The following RIOX2 variants were observed in gnomAD, a reference collection of about 807,000 sequenced individuals.
RIOX2 encodes the protein 60S ribosomal protein L27a histidine hydroxylase.
RIOX2 carries 43 observed loss-of-function variants against 51.2 expected under a neutral mutation model. That is an observed-to-expected ratio of 0.84 (90% CI 0.66 to 1.08). The LOEUF is 1.08. Ranked by LOEUF, RIOX2 falls within the 50% of genes least tolerant of loss-of-function variation. The probability of loss-of-function intolerance (pLI) is 0.00; values close to 1 mark genes in which losing one functional copy is unlikely to be tolerated. For missense variants in RIOX2, 566 were observed against 561.7 expected, an observed-to-expected ratio of 1.01 and a Z score of -0.08; for synonymous variants, 226 against 218.5, an observed-to-expected ratio of 1.03 and a Z score of -0.30.
chr3:97,942,409 T>G lies in RIOX2; in HGVS notation c.*2775A>C. 6.2e-7 allele frequency: 1 copy of G among 1,611,532 alleles called. No individual in the cohort carries two copies. Among genetic ancestry groups the G allele is most frequent in the Non-Finnish European group, 8.5e-7 (1 of 1,178,310 alleles). ...TGAATAAAAATGGAACTATCAGCTC[T>G]TATCTCAGTGATCAACTTGTCCTTG... On this transcript the variant is annotated 3_prime_UTR_variant, in exon 10 of 10. Coordinates refer to ENST00000394198, the MANE Select transcript of RIOX2 (RefSeq NM_153182.4).
intron 3 of RIOX2, among the ~76,000 whole-genome samples, chr3:97,960,919 T>C (rs1705651408): frequency 6.6e-6 from 1 of 152,210 alleles, no homozygotes; most frequent in Non-Finnish European, 1.5e-5. Flanking sequence ...GATATTCTAT[T>C]AAAAATATTA....
rs1382285804 is a variant in RIOX2, at chr3:97,943,516, A to G, written c.*1668T>C. ...ATTCTTGCCATTACTCAGTGTTCCT[A>G]TAAAGAAAATATTATGATATCTTGG... On this transcript the variant is annotated 3_prime_UTR_variant, in exon 10 of 10. Transcript: ENST00000394198. 6 of 517,152 alleles carry G rather than the reference A, an allele frequency of 1.2e-5. No homozygotes were observed. In the East Asian group the frequency reaches 1.5e-4, roughly 13 times the overall value. 32.0% of individuals were successfully genotyped at this position (517,152 alleles called of 1,614,324 possible). A position where few individuals can be genotyped will look rare whatever the true frequency, so the allele number is the denominator to read the frequency against.
In RIOX2 at chr3:97,942,830, G is replaced by T. The variant is rs945628941; in HGVS notation, c.*2354C>A. 4.7e-6 allele frequency: 1 copy of T among 214,058 alleles called. No homozygotes were observed. Among genetic ancestry groups the T allele is most frequent in the Non-Finnish European group, 9.0e-6 (1 of 110,786 alleles). The allele number at this position is 214,058 out of a possible 1,614,324, so 13.3% of individuals were successfully genotyped here. ...TTTATGGTAGGTATCAATTAACCTT[G>T]TTTTTGAATTCAGCAAGGTCAGGGC... On this transcript the variant is annotated 3_prime_UTR_variant, in exon 10 of 10. Coordinates refer to ENST00000394198, the MANE Select transcript of RIOX2 (RefSeq NM_153182.4).
Position 97,943,144 on chromosome 3 carries a change from T to A in RIOX2, c.*2040A>T, listed in dbSNP as rs951151453. The stretch of plus-strand genomic sequence containing the variant: ...ACATTCATCCACCGAAATGGTGAGC[T>A]GAACAGAAGCTTGTGAAAATTGTGA... On this transcript the variant is annotated 3_prime_UTR_variant, in exon 10 of 10. Transcript: ENST00000394198. The A allele has an allele frequency of 2.7e-6, 2 of 751,850 alleles. No homozygotes were observed. The highest frequency in any genetic ancestry group is 4.5e-6 in the Non-Finnish European group (2 of 442,978). 46.6% of individuals were successfully genotyped at this position (751,850 alleles called of 1,614,324 possible). A position where few individuals can be genotyped will look rare whatever the true frequency, so the allele number is the denominator to read the frequency against.
chr3:97,951,012 A>C, intron 5 of RIOX2, 124 bp from the exon 6 acceptor site: 1 of 666,334 alleles, frequency 1.5e-6, no homozygotes, highest in South Asian at 1.8e-5. Flanking sequence ...CTGTCCAGGC[A>C]TTTTGAGTTC....
At chr3:97,945,718 C>A in intron 9 of RIOX2, 80 bp downstream of exon 9, 2 of 1,098,032 alleles carry the variant, frequency 1.8e-6, no homozygotes, top group Non-Finnish European at 2.8e-6. Flanking sequence ...AAGCATATTA[C>A]CTGTAAATCA....
chr3:97,961,767 A>T, intron 2 of RIOX2, 59 bp from the exon 3 acceptor site: 1 of 1,517,970 alleles, frequency 6.6e-7, no homozygotes, highest in Non-Finnish European at 8.8e-7. Flanking sequence ...TGTATTAGAA[A>T]TAAGAATAAG....
At chr3:97,961,382 C>T (rs1559762401) in intron 3 of RIOX2, among the ~76,000 whole-genome samples, 1 of 152,200 alleles carries the variant, frequency 6.6e-6, no homozygotes, top group Non-Finnish European at 1.5e-5. Flanking sequence ...CAAGCTGTTC[C>T]TTTGAGACAG....
intron 9 of RIOX2, 178 bp from the exon 10 acceptor site, chr3:97,945,520 AT>A (rs1474400010): frequency 1.6e-6 from 1 of 621,010 alleles, no homozygotes; most frequent in African/African-American, 1.9e-5. Flanking sequence ...AGGCATCCTA[AT>A]TTATGTAGTA....
Position 97,943,586 on chromosome 3 carries a change from G to C in RIOX2, c.*1598C>G, listed in dbSNP as rs2040283576. 2 of 379,442 alleles carry C rather than the reference G, an allele frequency of 5.3e-6. No individual in the cohort carries two copies. Among genetic ancestry groups the C allele is most frequent in the African/African-American group, 4.3e-5 (2 of 46,052 alleles). 23.5% of individuals were successfully genotyped at this position (379,442 alleles called of 1,614,324 possible). A position where few individuals can be genotyped will look rare whatever the true frequency, so the allele number is the denominator to read the frequency against. ...TCCAGCTGTGGTGAGCAAGTTTCCT[G>C]AAGTGTTTATTTTCTCTCATATCCA... On this transcript the variant is annotated 3_prime_UTR_variant, in exon 10 of 10. Transcript: ENST00000394198.
intron 5 of RIOX2, chr3:97,952,158 A>G (rs752821524): frequency 7.8e-7 from 1 of 1,288,768 alleles, no homozygotes; most frequent in South Asian, 1.2e-5. Context: ...TCACCTTTAC[A>G]TGGTACCTGA....
chr3:97,965,388 T>C (rs907525970), intron 2 of RIOX2, among the ~76,000 whole-genome samples: 1 of 151,880 alleles, frequency 6.6e-6, no homozygotes, highest in Non-Finnish European at 1.5e-5. Context: ...GGTATGTGCC[T>C]GTAATCCCAG....
In RIOX2 at chr3:97,969,667, T is replaced by C. The variant is rs149652679; in HGVS notation, c.-39-2035A>G. Among the ~76,000 whole-genome samples, 251 of 152,314 alleles carry C rather than the reference T, an allele frequency of 1.6e-3. 1 individual carries two copies. Among genetic ancestry groups the C allele is most frequent in the African/African-American group, 5.5e-3 (230 of 41,574 alleles). ...GGTGGCCTAAGTGAAAAGCCCCCAG[T>C]AAAAGCCCTGGGCACTGAGTCTCTA... is the stretch of plus-strand genomic sequence containing the variant. On this transcript the variant is annotated intron_variant, in intron 1 of 9. Transcript: ENST00000394198.
chr3:97,968,168 C>T (rs1161895028), intron 1 of RIOX2, among the ~76,000 whole-genome samples: 1 of 152,150 alleles, frequency 6.6e-6, no homozygotes, highest in Non-Finnish European at 1.5e-5. Flanking sequence ...CCTGGACCCG[C>T]GGTGTCTCCT....
rs1338755862 is a variant in RIOX2, at chr3:97,947,415, T to G, written c.1095A>C (p.Arg365Ser). 6.2e-7 allele frequency: 1 copy of G among 1,613,452 alleles called. No individual in the cohort carries two copies. Among genetic ancestry groups the G allele is most frequent in the Admixed American group, 1.7e-5 (1 of 59,980 alleles). ...GGACAATGTGGTCTTTAAACTGCAG[T>G]CTCACTACACTGTCCAGCCTCGGTA... ...GKLPRLDSVV[R>S]LQFKDHIVLT... Residue 365 changes from arginine to serine, a missense_variant, in exon 8 of 10, where the codon AGA (arginine) becomes AGC (serine). Transcript: ENST00000394198.
intron 1 of RIOX2, among the ~76,000 whole-genome samples, chr3:97,968,591 C>G (rs1040660309): frequency 6.6e-6 from 1 of 152,196 alleles, no homozygotes; most frequent in Non-Finnish European, 1.5e-5. Flanking sequence ...CACAGCCAAG[C>G]CTTGCAAAGC....
chr3:97,951,079 TC>T, intron 5 of RIOX2, 191 bp from the exon 6 acceptor site: 1 of 538,964 alleles, frequency 1.9e-6, no homozygotes, highest in Non-Finnish European at 3.3e-6. Context: ...CCACCCTGTT[TC>T]CTCCCTCCCC....
Position 97,944,273 on chromosome 3 carries a change from T to TATA in RIOX2, c.*910_*911insTAT, listed in dbSNP as rs2040300980. 3.9e-5 allele frequency: 6 copies of TATA among 151,956 alleles called. No homozygotes were observed. The highest frequency in any genetic ancestry group is 3.9e-4 in the Admixed American group (6 of 15,212). 9.4% of individuals were successfully genotyped at this position (151,956 alleles called of 1,614,324 possible). On this transcript the variant is annotated 3_prime_UTR_variant, in exon 10 of 10. Coordinates refer to ENST00000394198, the MANE Select transcript of RIOX2 (RefSeq NM_153182.4). ...ACTCCCATTGTAAGTAACTTTTATT[T>TATA]AAGTAAGTAAAATCAGGTAGGAAAT... is the stretch of plus-strand genomic sequence containing the variant.
intron 3 of RIOX2, among the ~76,000 whole-genome samples, chr3:97,960,053 T>A (rs1157804559): frequency 6.6e-6 from 1 of 152,254 alleles, no homozygotes; most frequent in Non-Finnish European, 1.5e-5. Context: ...CAGTGAATTG[T>A]GTATCACAGT....
Sources: gnomAD v4.1 joint callset for allele counts (sites outside exome capture counted in the v4.1 genomes callset) on GRCh38, gnomAD v4.1.1 for gene constraint, MANE v1.5 for transcripts, NCBI Gene and HGNC (gene_info 2026-07-23, HGNC 2026-07-21) for gene names.